DPP6: variants seen among roughly 807,000 people sequenced by gnomAD.
DPP6 encodes dipeptidyl peptidase like 6, also known as A-type potassium channel modulatory protein DPP6.
DPP6 carries 69 observed loss-of-function variants against 122.6 expected under a neutral mutation model. The ratio of observed to expected loss-of-function variants is 0.56; its 90% CI spans 0.46 to 0.69. DPP6 has a LOEUF of 0.69. DPP6 is among the 30% of genes least tolerant of loss of function. The probability of loss-of-function intolerance (pLI) is 0.00; values close to 1 mark genes in which losing one functional copy is unlikely to be tolerated. For missense variants in DPP6, 928 were observed against 1,116.9 expected (o/e 0.83, Z 2.41); for synonymous variants, 418 against 433.1 (o/e 0.97, Z 0.43).
chr7:154,453,689 G>A (rs1011159616), intron 2 of DPP6, among the ~76,000 whole-genome samples: 31 of 151,938 alleles, frequency 2.0e-4, no homozygotes, highest in Non-Finnish European at 3.5e-4. Context: ...AGCCCCCCAG[G>A]CCCTTCCTAT....
chr7:154,199,457 T>C (rs972993340), intron 1 of DPP6, among the ~76,000 whole-genome samples: 3 of 152,210 alleles, frequency 2.0e-5, no homozygotes, highest in African/African-American at 7.2e-5. Flanking sequence ...TAAGGGACTT[T>C]GGGCAAACTT....
chr7:154,574,010 T>C (rs1288379153), intron 5 of DPP6, among the ~76,000 whole-genome samples: 2 of 152,256 alleles, frequency 1.3e-5, no homozygotes, highest in Admixed American at 1.3e-4. Context: ...GTTGTATTGT[T>C]TTGACACAGA....
chr7:153,783,720 T>G, the DPP6 span, among the ~76,000 whole-genome samples: 1 of 152,224 alleles, frequency 6.6e-6, no homozygotes, highest in Non-Finnish European at 1.5e-5. Flanking sequence ...ACAGTTATTT[T>G]GAAAACTGTC....
chr7:154,327,372 T>A (rs1458920244), intron 1 of DPP6, among the ~76,000 whole-genome samples: 1 of 152,172 alleles, frequency 6.6e-6, no homozygotes, highest in Non-Finnish European at 1.5e-5. Context: ...TTATTCTCAA[T>A]AGCGTCCCAG....
chr7:154,334,724 C>T (rs1809250121), intron 1 of DPP6, among the ~76,000 whole-genome samples: 1 of 152,110 alleles, frequency 6.6e-6, no homozygotes, highest in Non-Finnish European at 1.5e-5. Context: ...AGTGAAACCC[C>T]ATCTCTACTA....
intron 10 of DPP6, among the ~76,000 whole-genome samples, chr7:154,786,120 C>G (rs1797320456): frequency 6.6e-6 from 1 of 152,186 alleles, no homozygotes; most frequent in Non-Finnish European, 1.5e-5. Flanking sequence ...TTTACTCCCT[C>G]TTTTGTCTGG....
intron 3 of DPP6, among the ~76,000 whole-genome samples, chr7:154,490,671 G>A (rs1334634547): frequency 6.6e-6 from 1 of 152,216 alleles, no homozygotes; most frequent in Non-Finnish European, 1.5e-5. Context: ...AATGTTGCTG[G>A]AGAATTATTT....
intron 7 of DPP6, among the ~76,000 whole-genome samples, chr7:154,684,357 A>C (rs1839469612): frequency 6.6e-6 from 1 of 152,076 alleles, no homozygotes. Flanking sequence ...AGGAACAAGC[A>C]CCTCTCGTGT....
intron 7 of DPP6, among the ~76,000 whole-genome samples, chr7:154,711,543 C>T (rs1372950201): frequency 1.3e-5 from 2 of 152,188 alleles, no homozygotes; most frequent in Non-Finnish European, 2.9e-5. Flanking sequence ...CCAACCCAAC[C>T]TCTAATGTTA....
intron 1 of DPP6, among the ~76,000 whole-genome samples, chr7:153,944,248 T>G (rs2129017884): frequency 6.6e-6 from 1 of 152,326 alleles, no homozygotes; most frequent in South Asian, 2.1e-4. Flanking sequence ...AATGGGTGTT[T>G]GCATGGGTGT....
At chr7:154,343,817 G>T (rs1052833860) in intron 1 of DPP6, among the ~76,000 whole-genome samples, 2 of 152,202 alleles carry the variant, frequency 1.3e-5, no homozygotes, top group African/African-American at 2.4e-5. Context: ...CTGACCTCAA[G>T]TGATCCTCCC....
rs534968238 is a variant in DPP6, at chr7:153,960,254, C to T, written c.51+72520C>T. Among the ~76,000 whole-genome samples the T allele has an allele frequency of 1.2e-4, 18 of 152,124 alleles. No homozygotes were observed. The South Asian group carries it at 3.3e-3, about 28-fold the overall frequency. On this transcript the variant is annotated intron_variant, in intron 1 of 25. Transcript: ENST00000404039. ...CTTTCATAAAAGGTTCTCTGTGGCA[C>T]GTCATGCTATTTTATAACATTTTAC... is the stretch of plus-strand genomic sequence containing the variant.
intron 1 of DPP6, among the ~76,000 whole-genome samples, chr7:154,435,678 G>C (rs925494237): frequency 3.9e-5 from 6 of 152,164 alleles, no homozygotes; most frequent in African/African-American, 1.4e-4. Context: ...ATCATTTGCT[G>C]TCCTCCTGAA....
At chr7:154,147,180 A>C (rs1796135479) in intron 1 of DPP6, among the ~76,000 whole-genome samples, 1 of 152,182 alleles carries the variant, frequency 6.6e-6, no homozygotes, top group African/African-American at 2.4e-5. Context: ...AAAATAACAC[A>C]GGATTGGTCC....
intron 1 of DPP6, among the ~76,000 whole-genome samples, chr7:154,082,408 T>C (rs1054001223): frequency 2.0e-5 from 3 of 152,092 alleles, no homozygotes; most frequent in African/African-American, 7.2e-5. Flanking sequence ...ACTGAACTTA[T>C]GGAGAGGATG....
chr7:154,648,791 C>T (rs1013076748), intron 6 of DPP6, among the ~76,000 whole-genome samples: 6 of 151,836 alleles, frequency 4.0e-5, no homozygotes, highest in Admixed American at 3.3e-4. Context: ...GGTTTGGGTG[C>T]ACCTATAGTC....
chr7:154,280,597 G>A (rs1301893147), intron 1 of DPP6, among the ~76,000 whole-genome samples: 1 of 152,056 alleles, frequency 6.6e-6, no homozygotes, highest in Non-Finnish European at 1.5e-5. Flanking sequence ...TTAATAATTA[G>A]CTATTAATTC....
chr7:154,561,784 A>C (rs1830441905), intron 4 of DPP6, among the ~76,000 whole-genome samples: 1 of 152,156 alleles, frequency 6.6e-6, no homozygotes, highest in African/African-American at 2.4e-5. Context: ...TCAAGAGCAA[A>C]GATAATGGAA....
At chr7:153,752,143 G>A in the DPP6 span, among the ~76,000 whole-genome samples, 3 of 152,216 alleles carry the variant, frequency 2.0e-5, no homozygotes, top group African/African-American at 7.2e-5. Flanking sequence ...ACAAGATGAG[G>A]CATTACTTTA....
Sources: gnomAD v4.1 joint callset for allele counts (sites outside exome capture counted in the v4.1 genomes callset) on GRCh38, gnomAD v4.1.1 for gene constraint, MANE v1.5 for transcripts, NCBI Gene and HGNC (gene_info 2026-07-23, HGNC 2026-07-21) for gene names.